OVOL3: variants seen among roughly 807,000 people sequenced by gnomAD.
The protein encoded by OVOL3 is ovo like zinc finger 3, also known as putative transcription factor ovo-like protein 3.
Under a neutral mutation model 13.6 loss-of-function variants are expected in OVOL3, and 15 were observed. The ratio of observed to expected loss-of-function variants is 1.11; its 90% CI spans 0.74 to 1.70. The LOEUF (loss-of-function observed/expected upper bound fraction) is 1.70, where lower values mean the gene tolerates loss of function less well. OVOL3 is among the 40% of genes most tolerant of loss of function. The pLI, the probability that OVOL3 is intolerant of heterozygous loss-of-function variation, is 0.00. For missense variants in OVOL3, 290 were observed against 280.6 expected (o/e 1.03, Z -0.24); for synonymous variants, 102 against 108.5 (o/e 0.94, Z 0.37).
At position 36,113,591 on chromosome 19, in the gene OVOL3, A is replaced by G; in HGVS notation, c.503A>G (p.Glu168Gly). The G allele has an allele frequency of 6.5e-7, 1 of 1,540,042 alleles. No individual in the cohort carries two copies. The highest frequency in any genetic ancestry group is 8.7e-7 in the Non-Finnish European group (1 of 1,146,902). ...RERREKLHVC[E>G]DCGFTSSRPD... ...CGCCGCGAGAAGCTGCACGTGTGCG[A>G]GGACTGCGGCTTCACCAGCTCCCGG... The change falls in exon 4 of 4, where the codon GAG (glutamate) becomes GGG (glycine). Residue 168 changes from glutamate (E) to glycine (G), a missense_variant. Physicochemically the swap from Glu to Gly is moderately conservative, Grantham distance 98 (BLOSUM62 -2). Coordinates refer to ENST00000633214, the MANE Select transcript of OVOL3 (RefSeq NM_001302757.2).
chr19:36,111,928 A>G (rs1973830507), intron 2 of OVOL3: 1 of 442,404 alleles, frequency 2.3e-6, no homozygotes, highest in Non-Finnish European at 4.6e-6. Context: ...TATAGACAAT[A>G]AAATTAGTCA....
intron 2 of OVOL3, 50 bp from the exon 3 acceptor site, chr19:36,112,710 G>A: frequency 6.9e-7 from 1 of 1,459,686 alleles, no homozygotes; most frequent in Non-Finnish European, 9.2e-7. Context: ...GAGTAACAAA[G>A]GGTGGATGGG....
intron 2 of OVOL3, chr19:36,111,790 A>G (rs1973826152): frequency 2.0e-6 from 1 of 494,908 alleles, no homozygotes. Context: ...GAGGAAGGAA[A>G]GCGCCAGCCG....
chr19:36,113,069 G>A (rs1324023879), intron 3 of OVOL3, 105 bp downstream of exon 3: 2 of 1,238,658 alleles, frequency 1.6e-6, no homozygotes, highest in Non-Finnish European at 2.2e-6. Context: ...TGTGTATGTG[G>A]GGTATGGAGA....
intron 1 of OVOL3, 23 bp from the exon 2 acceptor site, chr19:36,111,346 C>T: frequency 6.5e-7 from 1 of 1,535,502 alleles, no homozygotes; most frequent in Non-Finnish European, 8.7e-7. Context: ...GACGCAGTGT[C>T]ACCATCTGGC....
chr19:36,111,786 G>A (rs1215897769), intron 2 of OVOL3: 2 of 500,758 alleles, frequency 4.0e-6, no homozygotes, highest in Non-Finnish European at 7.8e-6. Context: ...ATTGGAGGAA[G>A]GAAAGCGCCA....
intron 2 of OVOL3, among the ~76,000 whole-genome samples, chr19:36,111,991 A>T (rs1375192952): frequency 6.6e-6 from 1 of 152,174 alleles, no homozygotes; most frequent in African/African-American, 2.4e-5. Context: ...ACTTGAGGTC[A>T]TGAGTTCGAG....
Position 36,111,374 on chromosome 19 carries a change from A to G in OVOL3, c.100A>G (p.Ser34Gly), listed in dbSNP as rs2145899576. ...CATCTGGCTTTTCTCCTCAGACTGC[A>G]GCAGCCTGGGGGGGCCACCGGCACA... ...LRGDAYIPDC[S>G]SLGGPPAQQS... is the part of the protein sequence containing the mutation. The change falls in exon 2 of 4, where the codon AGC becomes GGC. Residue 34 changes from serine (S) to glycine (G), a missense_variant. Ser to Gly is a moderately conservative substitution (Grantham distance 56, BLOSUM62 0). Coordinates refer to ENST00000633214, the MANE Select transcript of OVOL3 (RefSeq NM_001302757.2). 2.6e-6 allele frequency: 4 copies of G among 1,535,908 alleles called. No homozygotes were observed. The highest frequency in any genetic ancestry group is 3.5e-6 in the Non-Finnish European group (4 of 1,146,762).
chr19:36,111,601 A>G lies in OVOL3; in HGVS notation c.159+168A>G, dbSNP rs1490285443. The G allele has an allele frequency of 9.2e-6, 7 of 757,378 alleles. No homozygotes were observed. The Middle Eastern group carries it at 1.3e-3, about 145-fold the overall frequency. The allele number at this position is 757,378 out of a possible 1,614,324, so 46.9% of individuals were successfully genotyped here. ...TTGGGAATGCCTCTCCTTTCCTAGT[A>G]GTGAGCTCTCTACTGTTAGGTCTCA... is the stretch of plus-strand genomic sequence containing the variant. On this transcript the variant is annotated intron_variant, in intron 2 of 3. Coordinates refer to ENST00000633214, the MANE Select transcript of OVOL3 (RefSeq NM_001302757.2).
At position 36,112,897 on chromosome 19, in the gene OVOL3, G is replaced by A. The variant is rs1003537878; in HGVS notation, c.297G>A (p.Leu99=). The A allele has an allele frequency of 2.7e-5, 41 of 1,536,116 alleles. No individual in the cohort carries two copies. The highest frequency in any genetic ancestry group is 3.4e-5 in the Non-Finnish European group (39 of 1,146,950). ...LKCHSPVRRH[L]CRCCGKGFHD... ...GCCACAGCCCCGTGCGCCGCCACCT[G>A]TGCCGCTGTTGTGGCAAGGGCTTTC... Residue 99 remains leucine (L), a synonymous_variant, in exon 3 of 4, where the codon CTG becomes CTA. Coordinates refer to ENST00000633214, the MANE Select transcript of OVOL3 (RefSeq NM_001302757.2).
rs748107757 is a variant in OVOL3, at chr19:36,113,438, C to A, written c.365-15C>A. On this transcript the variant is annotated splice_polypyrimidine_tract_variant and intron_variant, in intron 3 of 3. Coordinates refer to ENST00000633214, the MANE Select transcript of OVOL3 (RefSeq NM_001302757.2). ...CCTCTCTGTCCAGCCCTCCCCTCTG[C>A]GCCCATCTGTGCAGGGATCCGGCCC... The A allele has an allele frequency of 2.6e-5, 39 of 1,528,796 alleles. No individual in the cohort carries two copies. Among genetic ancestry groups the A allele is most frequent in the Non-Finnish European group, 3.2e-5 (36 of 1,140,850 alleles). 94.7% of individuals were successfully genotyped at this position (1,528,796 alleles called of 1,614,324 possible).
chr19:36,112,960 C>T lies in OVOL3; in HGVS notation c.360C>T (p.His120=), dbSNP rs1390950050. ...AFDLKRHMRT[H]TGIRPFRCSA... ...ATCTCAAGCGCCACATGAGGACTCA[C>T]ACTGGTGAGCAGTGGCAGGGACAGG... Residue 120 remains histidine (H), a synonymous_variant, in exon 3 of 4, where the codon CAC becomes CAT. Coordinates refer to ENST00000633214, the MANE Select transcript of OVOL3 (RefSeq NM_001302757.2). 4 of 1,535,978 alleles carry T rather than the reference C, an allele frequency of 2.6e-6. No individual in the cohort carries two copies. Among genetic ancestry groups the T allele is most frequent in the Non-Finnish European group, 3.5e-6 (4 of 1,146,724 alleles).
Position 36,111,399 on chromosome 19 carries a change from A to C in OVOL3, c.125A>C (p.Gln42Pro). 5 of 1,536,026 alleles carry C rather than the reference A, an allele frequency of 3.3e-6. No individual in the cohort carries two copies. In the South Asian group the frequency reaches 5.9e-5, roughly 18 times the overall value. ...DCSSLGGPPA[Q>P]QSSSVRDPWT... ...AGCAGCCTGGGGGGGCCACCGGCAC[A>C]ACAGTCGTCCAGTGTCAGGGATCCG... Residue 42 changes from glutamine to proline, a missense_variant, in exon 2 of 4, where the codon CAA becomes CCA. Physicochemically the swap from Gln to Pro is moderately conservative, Grantham distance 76. Coordinates refer to ENST00000633214, the MANE Select transcript of OVOL3 (RefSeq NM_001302757.2).
At chr19:36,111,860 G>A (rs77515474) in intron 2 of OVOL3, 22 of 460,154 alleles carry the variant, frequency 4.8e-5, no homozygotes, top group African/African-American at 2.8e-4. Flanking sequence ...TATATTCAGC[G>A]GGAATAAGAC....
chr19:36,111,326 G>A, intron 1 of OVOL3, 30 bp downstream of exon 1: 1 of 1,535,556 alleles, frequency 6.5e-7, no homozygotes, highest in Non-Finnish European at 8.7e-7. Context: ...TGGAGGTAAG[G>A]GGCAGGAGAG....
In OVOL3 at chr19:36,112,798, C is replaced by T. The variant is rs1244557324; in HGVS notation, c.198C>T (p.Gly66=). 2 of 1,534,872 alleles carry T rather than the reference C, an allele frequency of 1.3e-6. No homozygotes were observed. Among genetic ancestry groups the T allele is most frequent in the African/African-American group, 2.7e-5 (2 of 73,018 alleles). Residue 66 remains glycine (G), a synonymous_variant, in exon 3 of 4, where the codon GGC becomes GGT. Transcript: ENST00000633214. ...GCAACCTGACCTCTGCTCCCAGGGG[C>T]CCTGGGACGCTGGGCTGCCCGCTCT... ...TQGNLTSAPR[G]PGTLGCPLCP... is the part of the protein sequence containing the mutation.
Position 36,112,757 on chromosome 19 carries a change from C to T in OVOL3, c.160-3C>T. ...GAGGCTAATAACTCCTGCATCCCTC[C>T]AGCAGCCCACACAGGGCAACCTGAC... On this transcript the variant is annotated splice_region_variant and splice_polypyrimidine_tract_variant and intron_variant, in intron 2 of 3. Transcript: ENST00000633214. 4 of 1,532,890 alleles carry T rather than the reference C, an allele frequency of 2.6e-6. No homozygotes were observed. Among genetic ancestry groups the T allele is most frequent in the Non-Finnish European group, 3.5e-6 (4 of 1,145,736 alleles). 95.0% of individuals were successfully genotyped at this position (1,532,890 alleles called of 1,614,324 possible).
chr19:36,112,209 T>C lies in OVOL3; in HGVS notation c.160-551T>C, dbSNP rs148574945. On this transcript the variant is annotated intron_variant, in intron 2 of 3. Coordinates refer to ENST00000633214, the MANE Select transcript of OVOL3 (RefSeq NM_001302757.2). ...AAACAGATCTAGACTCCATCCCCCC[T>C]CAAAAAAAACAATAAAATTAGAAAA... is the stretch of plus-strand genomic sequence containing the variant. Among the ~76,000 whole-genome samples the C allele has an allele frequency of 2.5e-3, 377 of 150,330 alleles. 3 individuals carry two copies. Among genetic ancestry groups the C allele is most frequent in the African/African-American group, 8.2e-3 (337 of 40,852 alleles).
intron 2 of OVOL3, chr19:36,111,668 C>A (rs1055663843): frequency 4.5e-6 from 3 of 671,712 alleles, no homozygotes; most frequent in Non-Finnish European, 8.2e-6. Flanking sequence ...TCTCTTCCAG[C>A]GGGGCACAAG....
Sources: allele counts gnomAD v4.1 joint callset (sites outside exome capture counted in the v4.1 genomes callset), GRCh38; gene constraint gnomAD v4.1.1; transcripts MANE v1.5; gene names NCBI Gene and HGNC (gene_info 2026-07-23, HGNC 2026-07-21).